Variants in FFAR1 observed in about 807,000 individuals in gnomAD.
FFAR1 encodes free fatty acid receptor 1, also known as G-protein coupled receptor 40.
For synonymous variants in FFAR1, 216 were observed against 201.5 expected, an observed-to-expected ratio of 1.07 and a Z score of -0.61; for missense variants, 424 against 396.2, an observed-to-expected ratio of 1.07 and a Z score of -0.60.
chr19:35,350,858 G>T (rs186641429), upstream of FFAR1, among the ~76,000 whole-genome samples: 2,905 of 152,004 alleles, frequency 0.019, 69 homozygotes, highest in South Asian at 0.087. Flanking sequence ...TCTCTCTGTG[G>T]CTCCTCTCTT....
At chr19:35,349,472 A>G (rs2066935478), upstream of FFAR1, among the ~76,000 whole-genome samples, 1 of 152,246 alleles carries the variant, frequency 6.6e-6, no homozygotes, top group Non-Finnish European at 1.5e-5. Flanking sequence ...TCCCAACAAC[A>G]CACTGAACAG....
chr19:35,347,989 C>T (rs889985605), upstream of FFAR1, among the ~76,000 whole-genome samples: 1 of 152,240 alleles, frequency 6.6e-6, no homozygotes, highest in African/African-American at 2.4e-5. Context: ...CCCCAGCTCC[C>T]CTCTCCGCTT....
upstream of FFAR1, among the ~76,000 whole-genome samples, chr19:35,350,435 C>T (rs563750489): frequency 1.8e-4 from 28 of 152,310 alleles, no homozygotes; most frequent in African/African-American, 6.3e-4. Context: ...CAGTGAGGCC[C>T]GGGACCTGCC....
At chr19:35,351,144 G>A (rs377137174), upstream of FFAR1, among the ~76,000 whole-genome samples, 75 of 152,270 alleles carry the variant, frequency 4.9e-4, 1 homozygote, top group East Asian at 3.3e-3. Context: ...CCATTCCCAG[G>A]GAAGGCTCAG....
exon 1 of FFAR1, chr19:35,351,734 G>A (rs774280566): frequency 1.9e-5 from 30 of 1,563,564 alleles, no homozygotes; most frequent in Non-Finnish European, 3.5e-6. Context: ...CTCTGCCCCT[G>A]AAGGCGGTGG....
chr19:35,350,643 C>T (rs924703104), upstream of FFAR1, among the ~76,000 whole-genome samples: 7 of 152,190 alleles, frequency 4.6e-5, no homozygotes, highest in African/African-American at 1.4e-4. Context: ...ATCTTCCCAG[C>T]CCCTCACCTC....
In FFAR1 at chr19:35,352,157, C is replaced by G. The variant is rs1441471324; in HGVS notation, c.606C>G (p.Tyr202Ter). The change falls in exon 1 of 1, where the codon TAC (tyrosine) becomes TAG (stop). Residue 202 changes from tyrosine to a stop codon, truncating the protein, a stop_gained. Coordinates refer to ENST00000246553, the Ensembl canonical transcript of FFAR1. LOFTEE classifies it low-confidence loss of function (END_TRUNC). ...CCTTGGCCATCACAGCCTTCTGCTA[C>G]GTGGGCTGCCTCCGGGCACTGGCCC... 6.2e-7 allele frequency: 1 copy of G among 1,609,604 alleles called. No individual in the cohort carries two copies. The highest frequency in any genetic ancestry group is 8.5e-7 in the Non-Finnish European group (1 of 1,179,466).
chr19:35,351,573 T>C, exon 1 of FFAR1: 1 of 1,540,860 alleles, frequency 6.5e-7, no homozygotes, highest in Non-Finnish European at 8.7e-7. Context: ...CCCGCAGCTC[T>C]CCTTCGGCCT....
chr19:35,348,801 C>T (rs2066932186), upstream of FFAR1, among the ~76,000 whole-genome samples: 1 of 152,114 alleles, frequency 6.6e-6, no homozygotes, highest in African/African-American at 2.4e-5. Flanking sequence ...GATCTCTAGT[C>T]GAGAGCCGCC....
upstream of FFAR1, chr19:35,351,401 C>G (rs2066943566): frequency 2.9e-6 from 2 of 681,768 alleles, no homozygotes; most frequent in Non-Finnish European, 4.9e-6. Flanking sequence ...GGCCTCGTTT[C>G]CTCCCTGATC....
upstream of FFAR1, among the ~76,000 whole-genome samples, chr19:35,348,214 G>C (rs1319505427): frequency 3.3e-5 from 5 of 152,224 alleles, no homozygotes; most frequent in African/African-American, 1.2e-4. Context: ...TTATGGTTCA[G>C]GGAGGCCTTG....
At chr19:35,351,878 C>T in exon 1 of FFAR1, 1 of 1,614,026 alleles carries the variant, frequency 6.2e-7, no homozygotes, top group Non-Finnish European at 8.5e-7. Context: ...TGGGAGCAGC[C>T]TTCCCCTTGG....
At chr19:35,350,256 G>C (rs1487409730), upstream of FFAR1, among the ~76,000 whole-genome samples, 2 of 152,222 alleles carry the variant, frequency 1.3e-5, no homozygotes, top group Admixed American at 1.3e-4. Flanking sequence ...GGGCTAGTGC[G>C]GAAGCAGAGG....
At chr19:35,349,429 T>C (rs1318695555), upstream of FFAR1, among the ~76,000 whole-genome samples, 1 of 152,240 alleles carries the variant, frequency 6.6e-6, no homozygotes, top group Non-Finnish European at 1.5e-5. Context: ...CACACTGCTG[T>C]GGATTCTTCC....
rs372221350 is a variant in FFAR1, at chr19:35,351,781, C to T, written c.230C>T (p.Ser77Leu). ...TCCGGGGCCTGGCCTCTGCCGGCCT[C>T]GCTGTGCCCCGTCTTCGCGGTGGCC... The change falls in exon 1 of 1, where the codon TCG becomes TTG. Residue 77 changes from serine (S) to leucine (L), a missense_variant. Coordinates refer to ENST00000246553, the Ensembl canonical transcript of FFAR1. 2.2e-5 allele frequency: 35 copies of T among 1,582,878 alleles called. No individual in the cohort carries two copies. The Middle Eastern group carries it at 5.0e-4, about 22-fold the overall frequency.
chr19:35,351,852 A>G, exon 1 of FFAR1: 1 of 1,611,778 alleles, frequency 6.2e-7, no homozygotes. Context: ...GGCCGCCCTG[A>G]GTGCAGGCCG....
upstream of FFAR1, chr19:35,351,518 A>C (rs1313618552): frequency 2.0e-6 from 3 of 1,536,048 alleles, no homozygotes; most frequent in East Asian, 4.9e-5. Flanking sequence ...GCCAGGTTGC[A>C]CACAGGAGCC....
At chr19:35,351,617 C>T (rs1194766436) in exon 1 of FFAR1, 1 of 1,542,784 alleles carries the variant, frequency 6.5e-7, no homozygotes, top group South Asian at 1.2e-5. Flanking sequence ...GCTTCCCGCT[C>T]AACGTCCTGG....
upstream of FFAR1, among the ~76,000 whole-genome samples, chr19:35,350,731 C>A (rs1411883180): frequency 6.6e-6 from 1 of 152,164 alleles, no homozygotes; most frequent in East Asian, 1.9e-4. Flanking sequence ...GGCTAATGGC[C>A]CTGTCACCCG....
Sources: allele counts gnomAD v4.1 joint callset (sites outside exome capture counted in the v4.1 genomes callset), GRCh38; gene constraint gnomAD v4.1.1; transcripts MANE v1.5; gene names NCBI Gene and HGNC (gene_info 2026-07-23, HGNC 2026-07-21).